The following CBARP variants were observed in gnomAD, a reference collection of about 807,000 sequenced individuals.
The protein encoded by CBARP is CACN subunit beta associated regulatory protein, also known as voltage-dependent calcium channel beta subunit-associated regulatory protein.
In CBARP, 24 loss-of-function variants were observed where a neutral mutation model predicts 36.3. That is an observed-to-expected ratio of 0.66 (90% CI 0.48 to 0.93). The LOEUF is 0.93. Among genes scored for constraint, CBARP ranks in the 40% least tolerant of loss-of-function variants. CBARP has a pLI of 0.00. For synonymous variants in CBARP, 586 were observed against 453.2 expected, an observed-to-expected ratio of 1.29 and a Z score of -3.72; for missense variants, 1,146 against 980.4, an observed-to-expected ratio of 1.17 and a Z score of -2.26.
At position 1,230,018 on chromosome 19, in the gene CBARP, G is replaced by A; in HGVS notation, c.1279C>T (p.Pro427Ser). Residue 427 changes from proline (P) to serine (S), a missense_variant, in exon 10 of 10, where the codon CCC (proline) becomes TCC (serine). Physicochemically the swap from Pro to Ser is moderately conservative, Grantham distance 74. Coordinates refer to ENST00000650044, the MANE Select transcript of CBARP (RefSeq NM_001393918.1). ...LEPDAERDAG[P>S]EQAQTSYRDL... ...CGGTAGCTGGTCTGGGCCTGCTCGGGGCCCGCGTCCCGCTCGGCGTCCGGC... is the reference window on the plus strand; with the variant it reads ...CGGTAGCTGGTCTGGGCCTGCTCGGAGCCCGCGTCCCGCTCGGCGTCCGGC... 8.1e-7 allele frequency: 1 copy of A among 1,233,630 alleles called. No individual in the cohort carries two copies. The highest frequency in any genetic ancestry group is 1.0e-6 in the Non-Finnish European group (1 of 965,814). 76.4% of individuals were successfully genotyped at this position (1,233,630 alleles called of 1,614,324 possible).
In CBARP at chr19:1,229,106, A is replaced by T; in HGVS notation, c.*73T>A. 1 of 560,882 alleles carries T rather than the reference A, an allele frequency of 1.8e-6. No individual in the cohort carries two copies. The highest frequency in any genetic ancestry group is 2.3e-6 in the Non-Finnish European group (1 of 436,898). The allele number at this position is 560,882 out of a possible 1,614,324, so 34.7% of individuals were successfully genotyped here. ...ATTCGCGTCGGGGCGTCGCGCCCCC[A>T]CGTCTCTCCCGCCGCCGAGGCCCCG... On this transcript the variant is annotated 3_prime_UTR_variant, in exon 10 of 10. Transcript: ENST00000650044. The surrounding 1 kb of genome is among the most constrained non-coding windows in gnomAD (Gnocchi z 5.1).
At position 1,231,250 on chromosome 19, in the gene CBARP, C is replaced by T. The variant is rs750747430; in HGVS notation, c.1005G>A (p.Gln335=). 6.2e-7 allele frequency: 1 copy of T among 1,601,698 alleles called. No individual in the cohort carries two copies. The part of the protein sequence containing the change: ...TRGSPKRHHF[Q]RQRAASESTE... ...TGCTCTCACTGGCTGCCCGCTGCCG[C>T]TGGAAGTGGTGCCGCTTGGGGGAAC... Residue 335 remains glutamine (Q), a synonymous_variant, in exon 9 of 10, where the codon CAG becomes CAA. Transcript: ENST00000650044.
In CBARP at chr19:1,229,838, C is replaced by A; in HGVS notation, c.1459G>T (p.Ala487Ser). 1 of 984,644 alleles carries A rather than the reference C, an allele frequency of 1.0e-6. No homozygotes were observed. Among genetic ancestry groups the A allele is most frequent in the Non-Finnish European group, 1.2e-6 (1 of 830,762 alleles). 61.0% of individuals were successfully genotyped at this position (984,644 alleles called of 1,614,324 possible). The stretch of plus-strand genomic sequence containing the variant: ...GCCTCGCCGTCCTTGGGCCGCGGCG[C>A]GGGCGGGGAGGGCGGCGGGAAGGCG... ...APAFPPPSPP[A>S]PRPKDGEARR... The change falls in exon 10 of 10, where the codon GCG (alanine) becomes TCG (serine). Residue 487 changes from alanine (A) to serine (S), a missense_variant. By Grantham distance (99) the Ala-to-Ser change is moderately conservative (BLOSUM62 1). Transcript: ENST00000650044. The surrounding 1 kb of genome is among the most constrained non-coding windows in gnomAD (Gnocchi z 5.1).
Position 1,237,856 on chromosome 19 carries a change from G to A in CBARP, c.-122C>T, listed in dbSNP as rs2080996943. ...GCGCCCGGTGGCCGCGGAGCAGGCG[G>A]AGAATTTATGAATGGAGAGCGCGGC... is the stretch of plus-strand genomic sequence containing the variant. On this transcript the variant is annotated 5_prime_UTR_variant, in exon 1 of 10. Coordinates refer to ENST00000650044, the MANE Select transcript of CBARP (RefSeq NM_001393918.1). 1 of 147,922 alleles carries A rather than the reference G, an allele frequency of 6.8e-6. No individual in the cohort carries two copies. The highest frequency in any genetic ancestry group is 1.5e-5 in the Non-Finnish European group (1 of 66,354). The allele number at this position is 147,922 out of a possible 1,614,324, so 9.2% of individuals were successfully genotyped here.
upstream of CBARP, chr19:1,238,238 G>A (rs1182989732): frequency 6.7e-6 from 1 of 148,260 alleles, no homozygotes; most frequent in East Asian, 2.1e-4. Flanking sequence ...TGCGCCGCGT[G>A]CGCAGGAGGG....
chr19:1,233,569 C>T lies in CBARP; in HGVS notation c.836G>A (p.Gly279Asp), dbSNP rs769705335. ...PGAAAGPGEA[G>D]PGSGAGTVLQ... ...AACGGTACCTGCCCCGGATCCCGGG[C>T]CCGCCTCCCCAGGCCCTGCTGCAGC... Residue 279 changes from glycine to aspartate, a missense_variant, in exon 8 of 10, where the codon GGC (glycine) becomes GAC (aspartate). Coordinates refer to ENST00000650044, the MANE Select transcript of CBARP (RefSeq NM_001393918.1). 1.1e-5 allele frequency: 18 copies of T among 1,610,118 alleles called. No individual in the cohort carries two copies. The South Asian group carries it at 2.0e-4, about 18-fold the overall frequency.
intron 8 of CBARP, among the ~76,000 whole-genome samples, chr19:1,231,891 AGTGCCTT>A (rs911850606): frequency 1.3e-5 from 2 of 152,030 alleles, no homozygotes; most frequent in African/African-American, 2.4e-5. Context: ...TGGCACCGAT[AGTGCCTT>A]GTGGCAGCCC....
upstream of CBARP, chr19:1,238,103 C>T (rs1450511460): frequency 1.3e-5 from 2 of 150,454 alleles, no homozygotes; most frequent in Non-Finnish European, 3.0e-5. Flanking sequence ...CGGAGCCGCC[C>T]CCCGCACCCG....
intron 9 of CBARP, 65 bp from the exon 10 acceptor site, chr19:1,230,207 C>T: frequency 1.0e-6 from 1 of 994,972 alleles, no homozygotes; most frequent in Non-Finnish European, 1.2e-6. Flanking sequence ...GCCGGCCATC[C>T]CGCCTCTGGA....
chr19:1,235,240 G>C, intron 4 of CBARP, 95 bp from the exon 5 acceptor site: 1 of 1,314,282 alleles, frequency 7.6e-7, no homozygotes, highest in Non-Finnish European at 9.8e-7. Context: ...ACGGCAGGGA[G>C]GGCTGGGGCC....
intron 7 of CBARP, 115 bp from the exon 8 acceptor site, chr19:1,233,751 G>A: frequency 9.6e-7 from 1 of 1,043,280 alleles, no homozygotes; most frequent in East Asian, 2.6e-5. Flanking sequence ...CACTGGGACA[G>A]AGAGGGGTAC....
In CBARP at chr19:1,228,386, C is replaced by T. The variant is rs1176145712; in HGVS notation, c.*793G>A. 3 of 230,394 alleles carry T rather than the reference C, an allele frequency of 1.3e-5. No individual in the cohort carries two copies. Among genetic ancestry groups the T allele is most frequent in the Non-Finnish European group, 2.6e-5 (3 of 116,644 alleles). 14.3% of individuals were successfully genotyped at this position (230,394 alleles called of 1,614,324 possible). A position where few individuals can be genotyped will look rare whatever the true frequency, so the allele number is the denominator to read the frequency against. On this transcript the variant is annotated 3_prime_UTR_variant, in exon 10 of 10. Transcript: ENST00000650044. ...GGGGACTCGGAGGGTGCCGTGCGGG[C>T]GAGGCCGCCCAAATTTGGCAATAAA...
At position 1,235,895 on chromosome 19, in the gene CBARP, G is replaced by A; in HGVS notation, c.129C>T (p.Asp43=). The part of the protein sequence containing the change: ...RPTAEPDPIL[D]NYVLLVVVMS... ...TCACCACCACCAGCAGCACGTAGTT[G>A]TCCAGGATGGGGTCTGGCTCTGCCT... The change falls in exon 3 of 10, where the codon GAC becomes GAT. Residue 43 remains aspartate, a synonymous_variant. Coordinates refer to ENST00000650044, the MANE Select transcript of CBARP (RefSeq NM_001393918.1). The A allele has an allele frequency of 1.2e-6, 2 of 1,612,166 alleles. No homozygotes were observed. The highest frequency in any genetic ancestry group is 1.7e-6 in the Non-Finnish European group (2 of 1,179,912).
Position 1,229,400 on chromosome 19 carries a change from C to A in CBARP, c.1897G>T (p.Gly633Cys). The A allele has an allele frequency of 9.2e-7, 1 of 1,090,176 alleles. No individual in the cohort carries two copies. The allele number at this position is 1,090,176 out of a possible 1,614,324, so 67.5% of individuals were successfully genotyped here. The stretch of plus-strand genomic sequence containing the variant: ...GGGATGGCGGGGTCGTCGCCGGCGC[C>A]GCCCAGGGTGCGACCGTCGGGCGGG... ...DGPPDGRTLG[G>C]AGDDPAIPVI... Residue 633 changes from glycine to cysteine, a missense_variant, in exon 10 of 10, where the codon GGC becomes TGC. By Grantham distance (159) the Gly-to-Cys change is radical. Transcript: ENST00000650044. This position sits in a 1 kb window ranked among gnomAD's most constrained non-coding sequence, Gnocchi z 5.1.
At chr19:1,234,860 G>A in intron 5 of CBARP, 118 bp from the exon 6 acceptor site, 2 of 1,500,254 alleles carry the variant, frequency 1.3e-6, no homozygotes, top group East Asian at 2.4e-5. Flanking sequence ...GGGGCAACTG[G>A]CCAAGGCCGC....
At chr19:1,233,068 TG>T (rs1462806872) in intron 8 of CBARP, among the ~76,000 whole-genome samples, 1 of 152,208 alleles carries the variant, frequency 6.6e-6, no homozygotes, top group South Asian at 2.1e-4. Context: ...TGGGAGGGGA[TG>T]CAGGCCACAG....
In CBARP at chr19:1,231,219, G is replaced by A; in HGVS notation, c.1036C>T (p.Gln346Ter). 9 of 1,603,208 alleles carry A rather than the reference G, an allele frequency of 5.6e-6. No individual in the cohort carries two copies. Among genetic ancestry groups the A allele is most frequent in the Non-Finnish European group, 7.6e-6 (9 of 1,179,520 alleles). ...RQRAASESTE[Q>*]EEGDAPQEDF... ...TCCTGGGGGGCATCCCCCTCCTCCT[G>A]CTCCGTGCTCTCACTGGCTGCCCGC... is the stretch of plus-strand genomic sequence containing the variant. The change falls in exon 9 of 10, where the codon CAG (glutamine) becomes TAG (stop). Residue 346 changes from glutamine (Q) to a stop codon, truncating the protein, a stop_gained. Transcript: ENST00000650044. LOFTEE classifies it high-confidence loss of function.
At chr19:1,235,712 A>T in intron 3 of CBARP, 67 bp downstream of exon 3, 2 of 1,601,576 alleles carry the variant, frequency 1.2e-6, no homozygotes, top group Non-Finnish European at 1.7e-6. Context: ...AGTGAGGTAG[A>T]CCCCCCACCA....
chr19:1,230,745 T>G (rs2080878821), intron 9 of CBARP: 2 of 1,305,372 alleles, frequency 1.5e-6, no homozygotes, highest in East Asian at 3.1e-5. Flanking sequence ...CTGAGAGGAG[T>G]CTGCCCAGCC....
Sources: gnomAD v4.1 joint callset for allele counts (sites outside exome capture counted in the v4.1 genomes callset) on GRCh38, gnomAD v4.1.1 for gene constraint, Gnocchi (gnomAD v3.1) non-coding constraint, MANE v1.5 for transcripts, NCBI Gene and HGNC (gene_info 2026-07-23, HGNC 2026-07-21) for gene names.